KIAA0586: variants seen among roughly 807,000 people sequenced by gnomAD.
The protein encoded by KIAA0586 is protein TALPID3.
A neutral mutation model predicts 169.8 loss-of-function variants in KIAA0586; 144 were observed. That is an observed-to-expected ratio of 0.85 (90% CI 0.74 to 0.97). The LOEUF (loss-of-function observed/expected upper bound fraction) is 0.97, where lower values mean the gene tolerates loss of function less well. KIAA0586 is among the 50% of genes least tolerant of loss of function. KIAA0586 has a pLI of 0.00. For missense variants in KIAA0586, 1,854 were observed against 1,823.0 expected (o/e 1.02, Z -0.31); for synonymous variants, 625 against 612.4 (o/e 1.02, Z -0.30).
At chr14:58,482,392 C>T (rs1346175694) in intron 20 of KIAA0586, 121 bp from the exon 21 acceptor site, 7 of 740,874 alleles carry the variant, frequency 9.4e-6, no homozygotes, top group African/African-American at 1.8e-5. Context: ...CATCATTGCA[C>T]TCCAGCCTGG....
At chr14:58,483,449 T>G (rs1354572226) in intron 21 of KIAA0586, among the ~76,000 whole-genome samples, 1 of 152,192 alleles carries the variant, frequency 6.6e-6, no homozygotes, top group East Asian at 1.9e-4. Context: ...AGTTGCTTTC[T>G]TACATAACCA....
Position 58,508,904 on chromosome 14 carries a change from T to G in KIAA0586, c.4323+195T>G, listed in dbSNP as rs118162775. Among the ~76,000 whole-genome samples, 148 of 152,252 alleles carry G rather than the reference T, an allele frequency of 9.7e-4. 1 individual carries two copies. In the East Asian group the frequency reaches 0.026, roughly 26 times the overall value. ...CCCTAGAACACATTACTTAGCCTCTTTTAAGCCTTAATTCCCTATCTTTAA... is the reference window on the plus strand; with the variant it reads ...CCCTAGAACACATTACTTAGCCTCTGTTAAGCCTTAATTCCCTATCTTTAA... On this transcript the variant is annotated intron_variant, in intron 28 of 30. Coordinates refer to ENST00000652326, the MANE Select transcript of KIAA0586 (RefSeq NM_001329943.3).
chr14:58,439,824 A>C, intron 4 of KIAA0586: 1 of 984,604 alleles, frequency 1.0e-6, no homozygotes, highest in Non-Finnish European at 1.2e-6. Context: ...TCGACGGGGA[A>C]GTCCAGCAGC....
At chr14:58,496,975 ATTT>A (rs11289825) in intron 26 of KIAA0586, among the ~76,000 whole-genome samples, 8 of 122,566 alleles carry the variant, frequency 6.5e-5, no homozygotes, top group Non-Finnish European at 5.4e-5. Context: ...ATTTAAAACA[ATTT>A]TTTTTTTTTT....
Position 58,539,830 on chromosome 14 carries a change from C to A in KIAA0586, c.4430-241C>A, listed in dbSNP as rs551569025. On this transcript the variant is annotated intron_variant, in intron 29 of 30. Transcript: ENST00000652326. The stretch of plus-strand genomic sequence containing the variant: ...TTCTCATGACCCTTTGCTTCCCCCC[C>A]CCATCTGTGATGCATAAAGATAATA... The A allele has an allele frequency of 1.9e-5, 6 of 310,986 alleles. No homozygotes were observed. In the Admixed American group the frequency reaches 1.9e-4, roughly 10 times the overall value. 19.3% of individuals were successfully genotyped at this position (310,986 alleles called of 1,614,324 possible). A position where few individuals can be genotyped will look rare whatever the true frequency, so the allele number is the denominator to read the frequency against.
Position 58,428,012 on chromosome 14 carries a change from A to G in KIAA0586, c.-253A>G, listed in dbSNP as rs1320721621. On this transcript the variant is annotated 5_prime_UTR_variant, in exon 1 of 31. Coordinates refer to ENST00000652326, the MANE Select transcript of KIAA0586 (RefSeq NM_001329943.3). The stretch of plus-strand genomic sequence containing the variant: ...TATGGTTATTGTTGCTCCTGTGGCC[A>G]TTCTCTTGTCATCCCCACTTTCACA... The G allele has an allele frequency of 7.0e-7, 1 of 1,427,178 alleles. No individual in the cohort carries two copies. Among genetic ancestry groups the G allele is most frequent in the Non-Finnish European group, 9.1e-7 (1 of 1,098,168 alleles). 88.4% of individuals were successfully genotyped at this position (1,427,178 alleles called of 1,614,324 possible). A position where few individuals can be genotyped will look rare whatever the true frequency, so the allele number is the denominator to read the frequency against.
intron 29 of KIAA0586, among the ~76,000 whole-genome samples, chr14:58,535,419 T>C (rs2046219590): frequency 6.6e-6 from 1 of 152,212 alleles, no homozygotes; most frequent in Non-Finnish European, 1.5e-5. Context: ...TTAAATGCTT[T>C]TTAATAAGCT....
chr14:58,435,652 A>C (rs557062182), intron 4 of KIAA0586, among the ~76,000 whole-genome samples: 1 of 152,198 alleles, frequency 6.6e-6, no homozygotes, highest in South Asian at 2.1e-4. Context: ...TTTTATACTC[A>C]GTCACCACAT....
In KIAA0586 at chr14:58,550,704, C is replaced by A. The variant is rs974182694; in HGVS notation, c.*2772C>A. Reference sequence around the variant, plus strand: ...AAAAAATTAGCTGGTCATGGTTGCACACACCTGTAGCCCCAGCTACTCAAG... The same window carrying A: ...AAAAAATTAGCTGGTCATGGTTGCAAACACCTGTAGCCCCAGCTACTCAAG... On this transcript the variant is annotated 3_prime_UTR_variant, in exon 31 of 31. Coordinates refer to ENST00000652326, the MANE Select transcript of KIAA0586 (RefSeq NM_001329943.3). The A allele has an allele frequency of 6.6e-6, 1 of 151,988 alleles. No individual in the cohort carries two copies. Among genetic ancestry groups the A allele is most frequent in the African/African-American group, 2.4e-5 (1 of 41,386 alleles). 9.4% of individuals were successfully genotyped at this position (151,988 alleles called of 1,614,324 possible).
chr14:58,509,302 A>G (rs1033170331), intron 28 of KIAA0586, among the ~76,000 whole-genome samples: 1 of 152,208 alleles, frequency 6.6e-6, no homozygotes, highest in Non-Finnish European at 1.5e-5. Context: ...CTGTATCTGC[A>G]TGCAATACCT....
At position 58,490,174 on chromosome 14, in the gene KIAA0586, T is replaced by TA. The variant is rs764118184; in HGVS notation, c.3793dup (p.Ile1265AsnfsTer9). The TA allele has an allele frequency of 4.5e-5, 65 of 1,442,868 alleles. No individual in the cohort carries two copies. The highest frequency in any genetic ancestry group is 6.0e-5 in the Non-Finnish European group (64 of 1,059,724). The allele number at this position is 1,442,868 out of a possible 1,614,324, so 89.4% of individuals were successfully genotyped here. On this transcript the variant is annotated frameshift_variant, in exon 25 of 31. Coordinates refer to ENST00000652326, the MANE Select transcript of KIAA0586 (RefSeq NM_001329943.3). LOFTEE classifies it high-confidence loss of function. ...TATTTTAATTTCTAGTTTTAGAAGATATAGGACTGTACCTGACAAACCTTA... is the reference window on the plus strand; with the variant it reads ...TATTTTAATTTCTAGTTTTAGAAGATAATAGGACTGTACCTGACAAACCTTA...
chr14:58,445,164 A>AC (rs2038769588), intron 6 of KIAA0586, among the ~76,000 whole-genome samples: 1 of 151,334 alleles, frequency 6.6e-6, no homozygotes, highest in Admixed American at 6.6e-5. Flanking sequence ...CACATACACA[A>AC]ACACACATGC....
At chr14:58,480,647 A>G (rs11158206) in intron 20 of KIAA0586, among the ~76,000 whole-genome samples, 41,336 of 152,016 alleles carry the variant, frequency 0.27, 5,684 homozygotes, top group East Asian at 0.37. Context: ...CCCAATCTCT[A>G]AAGCCTTGGA....
rs2046555948 is a variant in KIAA0586 at position 58,540,209 on chromosome 14, C to T, written c.4495+73C>T. On this transcript the variant is annotated intron_variant, in intron 30 of 30. Coordinates refer to ENST00000652326, the MANE Select transcript of KIAA0586 (RefSeq NM_001329943.3). Reference sequence around the variant, plus strand: ...TTTTCATTTCCTGATGATTCTTTCTCTCATAATAATCAACACAGTAGAAAT... The same window carrying T: ...TTTTCATTTCCTGATGATTCTTTCTTTCATAATAATCAACACAGTAGAAAT... 3.6e-6 allele frequency: 3 copies of T among 821,924 alleles called. No homozygotes were observed. In the South Asian group the frequency reaches 4.8e-5, roughly 13 times the overall value. 50.9% of individuals were successfully genotyped at this position (821,924 alleles called of 1,614,324 possible).
At chr14:58,502,672 G>A (rs1208077174) in intron 27 of KIAA0586, among the ~76,000 whole-genome samples, 4 of 152,158 alleles carry the variant, frequency 2.6e-5, no homozygotes, top group African/African-American at 9.7e-5. Flanking sequence ...TCAGTGCTTG[G>A]CACATGGTGT....
At chr14:58,440,423 C>T (rs1013491038) in intron 4 of KIAA0586, among the ~76,000 whole-genome samples, 1 of 152,182 alleles carries the variant, frequency 6.6e-6, no homozygotes, top group Non-Finnish European at 1.5e-5. Context: ...CCTCCGTCTC[C>T]TGGGTTCAAG....
At chr14:58,512,721 G>T in intron 29 of KIAA0586, 94 bp downstream of exon 29, 1 of 686,732 alleles carries the variant, frequency 1.5e-6, no homozygotes, top group Non-Finnish European at 2.4e-6. Flanking sequence ...ACATCCCACT[G>T]CTCTCTAGGT....
chr14:58,537,234 T>G, intron 29 of KIAA0586: 1 of 989,040 alleles, frequency 1.0e-6, no homozygotes, highest in Non-Finnish European at 1.2e-6. Context: ...GTGGCTTATT[T>G]TTTTTAACTG....
intron 29 of KIAA0586, among the ~76,000 whole-genome samples, chr14:58,515,601 G>A (rs1299418753): frequency 6.6e-6 from 1 of 152,048 alleles, no homozygotes; most frequent in Non-Finnish European, 1.5e-5. Context: ...CAAAACCATA[G>A]TTATAAGGGT....
Sources: allele counts gnomAD v4.1 joint callset (sites outside exome capture counted in the v4.1 genomes callset), GRCh38; gene constraint gnomAD v4.1.1; transcripts MANE v1.5; gene names NCBI Gene and HGNC (gene_info 2026-07-23, HGNC 2026-07-21).